RIC1: variants seen among roughly 807,000 people sequenced by gnomAD.
RIC1 encodes RIC1 partner of RAB6A GEF complex.
RIC1 carries 88 observed loss-of-function variants against 169.0 expected under a neutral mutation model. That is an observed-to-expected ratio of 0.52 (90% CI 0.44 to 0.62). RIC1 has a LOEUF of 0.62. Ranked by LOEUF, RIC1 falls within the 20% of genes least tolerant of loss-of-function variation. The pLI, the probability that RIC1 is intolerant of heterozygous loss-of-function variation, is 0.00. For synonymous variants in RIC1, 790 were observed against 601.5 expected (o/e 1.31, Z -4.59); for missense variants, 1,877 against 1,725.5 (o/e 1.09, Z -1.56).
intron 3 of RIC1, among the ~76,000 whole-genome samples, chr9:5,698,210 C>A (rs772879383): frequency 5.9e-5 from 9 of 152,188 alleles, no homozygotes; most frequent in Non-Finnish European, 1.0e-4. Flanking sequence ...TTCTGTATCA[C>A]CTGATCTAGC....
At chr9:5,645,269 C>G (rs898480941) in intron 1 of RIC1, among the ~76,000 whole-genome samples, 1 of 152,118 alleles carries the variant, frequency 6.6e-6, no homozygotes, top group Non-Finnish European at 1.5e-5. Flanking sequence ...CCAGGCTGGT[C>G]TTAAACTCCC....
chr9:5,769,797 A>T, intron 22 of RIC1: 1 of 309,230 alleles, frequency 3.2e-6, no homozygotes, highest in East Asian at 5.9e-5. Flanking sequence ...ACTTCATGTT[A>T]TCTTAAGAGC....
intron 3 of RIC1, among the ~76,000 whole-genome samples, chr9:5,702,108 G>C (rs1358853400): frequency 1.3e-5 from 2 of 152,150 alleles, no homozygotes; most frequent in African/African-American, 2.4e-5. Context: ...AGTTTATTAA[G>C]GGGACAAAAG....
chr9:5,755,467 GGT>G lies in RIC1; in HGVS notation c.1692+538_1692+539del, dbSNP rs1265732076. Among the ~76,000 whole-genome samples, 9 of 152,234 alleles carry G rather than the reference GGT, an allele frequency of 5.9e-5. No homozygotes were observed. The East Asian group carries it at 1.7e-3, about 29-fold the overall frequency. ...ATTGTAATAAAAGTTGTATGAATGTGGTCTCTCAGAATATCTTAGTATACTGT... is the reference window on the plus strand; with the variant it reads ...ATTGTAATAAAAGTTGTATGAATGTGCTCTCAGAATATCTTAGTATACTGT... On this transcript the variant is annotated intron_variant, in intron 15 of 25. Coordinates refer to ENST00000414202, the MANE Select transcript of RIC1 (RefSeq NM_020829.4).
In RIC1 at chr9:5,776,161, C is replaced by T. The variant is rs1182460868; in HGVS notation, c.*1915C>T. 1 of 152,152 alleles carries T rather than the reference C, an allele frequency of 6.6e-6. No homozygotes were observed. Among genetic ancestry groups the T allele is most frequent in the Non-Finnish European group, 1.5e-5 (1 of 68,002 alleles). 9.4% of individuals were successfully genotyped at this position (152,152 alleles called of 1,614,324 possible). A position where few individuals can be genotyped will look rare whatever the true frequency, so the allele number is the denominator to read the frequency against. ...GGCACCAGTATAAGTTAACTGTATTCCTGTGGGTTAGGCCGTGAATGAATC... is the reference window on the plus strand; with the variant it reads ...GGCACCAGTATAAGTTAACTGTATTTCTGTGGGTTAGGCCGTGAATGAATC... On this transcript the variant is annotated 3_prime_UTR_variant, in exon 26 of 26. Transcript: ENST00000414202.
chr9:5,726,789 A>AT (rs909628204), intron 6 of RIC1, among the ~76,000 whole-genome samples: 13 of 152,064 alleles, frequency 8.5e-5, no homozygotes, highest in African/African-American at 3.1e-4. Context: ...TCTGTAAAGG[A>AT]TTTTATTTCT....
At chr9:5,629,949 C>T (rs894281789) in intron 1 of RIC1, among the ~76,000 whole-genome samples, 3 of 152,208 alleles carry the variant, frequency 2.0e-5, no homozygotes, top group African/African-American at 7.2e-5. Context: ...CAAACTACAG[C>T]CTGAATTCTT....
intron 3 of RIC1, among the ~76,000 whole-genome samples, chr9:5,705,306 A>G (rs1320919150): frequency 6.6e-6 from 1 of 151,700 alleles, no homozygotes; most frequent in African/African-American, 2.4e-5. Flanking sequence ...ATTCATGAAC[A>G]TAATATACCT....
In RIC1 at chr9:5,753,218, G is replaced by A; in HGVS notation, c.1471G>A (p.Glu491Lys). The A allele has an allele frequency of 6.2e-7, 1 of 1,613,470 alleles. No homozygotes were observed. The highest frequency in any genetic ancestry group is 2.2e-5 in the East Asian group (1 of 44,854). ...HVVQISSTYL[E>K]SNWPIRFSAI... is the part of the protein sequence containing the mutation. ...TCTATAGATTTCCAGCACCTATCTA[G>A]AGAGCAATTGGCCTATACGGGTGAG... is the stretch of plus-strand genomic sequence containing the variant. The change falls in exon 13 of 26, where the codon GAG (glutamate) becomes AAG (lysine). Residue 491 changes from glutamate to lysine, a missense_variant. Coordinates refer to ENST00000414202, the MANE Select transcript of RIC1 (RefSeq NM_020829.4).
chr9:5,772,781 C>T (rs1563728913), intron 24 of RIC1, 40 bp downstream of exon 24: 2 of 1,579,912 alleles, frequency 1.3e-6, no homozygotes, highest in African/African-American at 1.3e-5. Flanking sequence ...AATGCCTACT[C>T]AGAGTATTTG....
chr9:5,655,946 T>G (rs760238382), intron 1 of RIC1, among the ~76,000 whole-genome samples: 1 of 152,106 alleles, frequency 6.6e-6, no homozygotes, highest in Non-Finnish European at 1.5e-5. Flanking sequence ...CTCGGCTCAC[T>G]GCAAGCTCTG....
chr9:5,759,663 T>G (rs1466699372), intron 17 of RIC1, among the ~76,000 whole-genome samples: 1 of 152,218 alleles, frequency 6.6e-6, no homozygotes, highest in African/African-American at 2.4e-5. Context: ...TTATTGGATG[T>G]GATACTAGCA....
chr9:5,655,730 C>A (rs909769319), intron 1 of RIC1, among the ~76,000 whole-genome samples: 1 of 152,004 alleles, frequency 6.6e-6, no homozygotes, highest in Non-Finnish European at 1.5e-5. Flanking sequence ...GAATGCCGAA[C>A]CAGGCTTGTA....
chr9:5,688,407 T>C (rs1052335466), intron 2 of RIC1, among the ~76,000 whole-genome samples: 2 of 152,218 alleles, frequency 1.3e-5, no homozygotes, highest in Non-Finnish European at 2.9e-5. Context: ...TTGATGCCAG[T>C]GTTTTGAAAA....
chr9:5,665,553 A>AT (rs1252390355), intron 2 of RIC1, among the ~76,000 whole-genome samples: 3 of 152,068 alleles, frequency 2.0e-5, no homozygotes, highest in Non-Finnish European at 4.4e-5. Context: ...TTTTGCATTG[A>AT]TTAATTTCTT....
chr9:5,773,742 T>C (rs1827391217), intron 25 of RIC1, among the ~76,000 whole-genome samples: 1 of 152,188 alleles, frequency 6.6e-6, no homozygotes, highest in Admixed American at 6.5e-5. Flanking sequence ...CCCCTAATGC[T>C]TAGAAACTTA....
chr9:5,741,129 A>G (rs1239028722), intron 8 of RIC1, among the ~76,000 whole-genome samples: 1 of 151,982 alleles, frequency 6.6e-6, no homozygotes, highest in African/African-American at 2.4e-5. Context: ...ATTGGCAGTT[A>G]TTTTCTTTTT....
rs563647019 is a variant in RIC1 at position 5,667,624 on chromosome 9, C to T, written c.252+10934C>T. ...GGCTTAAGTAATCCTCTCCCTCAGC[C>T]TCCCTAGTAGCTGGGACCATAGGCA... On this transcript the variant is annotated intron_variant, in intron 2 of 25. Coordinates refer to ENST00000414202, the MANE Select transcript of RIC1 (RefSeq NM_020829.4). 7.2e-5 allele frequency among the ~76,000 whole-genome samples: 11 copies of T among 152,006 alleles called. No individual in the cohort carries two copies. The South Asian group carries it at 2.3e-3, about 32-fold the overall frequency.
chr9:5,722,957 T>C (rs551165370), intron 6 of RIC1, among the ~76,000 whole-genome samples: 1 of 152,366 alleles, frequency 6.6e-6, no homozygotes, highest in East Asian at 1.9e-4. Flanking sequence ...CAGTCTGTCA[T>C]TGATGGACAC....
Sources: allele counts gnomAD v4.1 joint callset (sites outside exome capture counted in the v4.1 genomes callset), GRCh38; gene constraint gnomAD v4.1.1; transcripts MANE v1.5; gene names NCBI Gene and HGNC (gene_info 2026-07-23, HGNC 2026-07-21).